Variants in LEF1 observed in about 807,000 individuals in gnomAD.
LEF1 encodes the protein lymphoid enhancer binding factor 1, also known as lymphoid enhancer-binding factor 1.
Under a neutral mutation model 51.2 loss-of-function variants are expected in LEF1, and 14 were observed. The ratio of observed to expected loss-of-function variants is 0.27; its 90% CI spans 0.18 to 0.43. The LOEUF is 0.43. Among genes scored for constraint, LEF1 ranks in the 20% least tolerant of loss-of-function variants. The probability of loss-of-function intolerance (pLI) is 1.00; values close to 1 mark genes in which losing one functional copy is unlikely to be tolerated. For synonymous variants in LEF1, 185 were observed against 183.2 expected (o/e 1.01, Z -0.08); for missense variants, 386 against 512.0 (o/e 0.75, Z 2.37).
chr4:108,064,676 CACACACACACACACACAAT>C (rs1353414236), intron 9 of LEF1, among the ~76,000 whole-genome samples: 1 of 61,744 alleles, frequency 1.6e-5, no homozygotes, highest in South Asian at 9.8e-4. Context: ...CACACACACA[CACACACACACACACACAAT>C]GATGTCTTAG....
At chr4:108,067,280 C>T (rs1415542545) in intron 9 of LEF1, among the ~76,000 whole-genome samples, 4 of 152,284 alleles carry the variant, frequency 2.6e-5, no homozygotes, top group African/African-American at 9.6e-5. Context: ...CTACTTTCTT[C>T]CCACCCATCA....
intron 3 of LEF1, among the ~76,000 whole-genome samples, chr4:108,158,948 C>T (rs1477945229): frequency 4.0e-5 from 6 of 151,356 alleles, no homozygotes; most frequent in East Asian, 1.9e-4. Flanking sequence ...AAGATTTTTG[C>T]GGATTGGCTC....
At chr4:108,146,658 G>A (rs1475787564) in intron 3 of LEF1, among the ~76,000 whole-genome samples, 1 of 152,190 alleles carries the variant, frequency 6.6e-6, no homozygotes, top group African/African-American at 2.4e-5. Flanking sequence ...TGGAGTATCT[G>A]CATTATATAC....
At chr4:108,142,396 C>T (rs550557106) in intron 3 of LEF1, among the ~76,000 whole-genome samples, 3 of 152,248 alleles carry the variant, frequency 2.0e-5, no homozygotes, top group East Asian at 1.9e-4. Context: ...GACAGGATCA[C>T]GTCTTGACAA....
intron 9 of LEF1, among the ~76,000 whole-genome samples, chr4:108,066,789 T>C (rs962012169): frequency 1.3e-5 from 2 of 152,212 alleles, no homozygotes; most frequent in African/African-American, 4.8e-5. Context: ...TGTATAATAT[T>C]GGAAAGCATT....
At chr4:108,108,946 T>C (rs985824629) in intron 3 of LEF1, among the ~76,000 whole-genome samples, 1 of 152,180 alleles carries the variant, frequency 6.6e-6, no homozygotes, top group African/African-American at 2.4e-5. Flanking sequence ...GAATACAGGA[T>C]TGGAACCAGA....
chr4:108,088,304 G>A (rs949195495), intron 4 of LEF1, among the ~76,000 whole-genome samples: 1 of 152,178 alleles, frequency 6.6e-6, no homozygotes, highest in Non-Finnish European at 1.5e-5. Flanking sequence ...ACCCCTTTAC[G>A]TTCTCTGCCT....
At chr4:108,126,034 T>A (rs538143859) in intron 3 of LEF1, among the ~76,000 whole-genome samples, 2 of 152,362 alleles carry the variant, frequency 1.3e-5, no homozygotes, top group South Asian at 2.1e-4. Flanking sequence ...GGAATTTTTT[T>A]ACTTTTGTTG....
intron 3 of LEF1, among the ~76,000 whole-genome samples, chr4:108,153,065 T>C (rs1453500613): frequency 6.6e-6 from 1 of 152,224 alleles, no homozygotes; most frequent in Non-Finnish European, 1.5e-5. Context: ...GCTTGGTCAC[T>C]AAAGTAGGAA....
Position 108,079,731 on chromosome 4 carries a change from G to A in LEF1, c.723-117C>T. On this transcript the variant is annotated intron_variant, in intron 6 of 11. Coordinates refer to ENST00000265165, the MANE Select transcript of LEF1 (RefSeq NM_016269.5). ...GCTAAGAGTAAAAACACATCTTTAC[G>A]CACAGAAGCATTAACTATAAATTAG... 7.5e-6 allele frequency: 7 copies of A among 938,598 alleles called. No homozygotes were observed. The Admixed American group carries it at 9.5e-5, about 13-fold the overall frequency. 58.1% of individuals were successfully genotyped at this position (938,598 alleles called of 1,614,324 possible).
chr4:108,103,657 A>C (rs1410292941), intron 3 of LEF1, among the ~76,000 whole-genome samples: 1 of 152,220 alleles, frequency 6.6e-6, no homozygotes, highest in Non-Finnish European at 1.5e-5. Flanking sequence ...TAATCATTTC[A>C]ATGTGTAAAT....
At chr4:108,095,307 C>T (rs1740308167) in intron 3 of LEF1, among the ~76,000 whole-genome samples, 1 of 152,184 alleles carries the variant, frequency 6.6e-6, no homozygotes, top group African/African-American at 2.4e-5. Flanking sequence ...CCAGTCATTA[C>T]AGTAGCGCTT....
intron 3 of LEF1, among the ~76,000 whole-genome samples, chr4:108,145,705 C>T (rs1050002354): frequency 6.6e-6 from 1 of 152,200 alleles, no homozygotes; most frequent in Non-Finnish European, 1.5e-5. Flanking sequence ...ATACATTACA[C>T]TCAGTGAAAG....
chr4:108,078,572 C>T, intron 7 of LEF1, 190 bp from the exon 8 acceptor site: 2 of 661,126 alleles, frequency 3.0e-6, no homozygotes, highest in South Asian at 3.6e-5. Context: ...AGGCAAACAA[C>T]CCATCCAATA....
intron 11 of LEF1, among the ~76,000 whole-genome samples, chr4:108,061,642 CA>C (rs11285438): frequency 0.75 from 108,133 of 144,010 alleles, 42,674 homozygotes; most frequent in East Asian, 0.96. Flanking sequence ...TTTTTTTTTT[CA>C]AAAAAAAAAA....
intron 3 of LEF1, among the ~76,000 whole-genome samples, chr4:108,157,711 G>C (rs946835192): frequency 3.9e-5 from 6 of 152,138 alleles, no homozygotes; most frequent in Non-Finnish European, 8.8e-5. Context: ...AATGGGGTTG[G>C]CAACAAAACT....
chr4:108,163,470 A>G, intron 3 of LEF1, 98 bp downstream of exon 3: 2 of 1,313,486 alleles, frequency 1.5e-6, no homozygotes, highest in Non-Finnish European at 2.1e-6. Context: ...ATATATAATG[A>G]AAGCATTACC....
intron 11 of LEF1, among the ~76,000 whole-genome samples, chr4:108,057,703 C>A (rs1038539080): frequency 6.6e-6 from 1 of 152,050 alleles, no homozygotes; most frequent in Non-Finnish European, 1.5e-5. Context: ...ACATCATCAT[C>A]AAAGAAAAGC....
At chr4:108,073,644 C>T (rs1159816796) in intron 8 of LEF1, among the ~76,000 whole-genome samples, 1 of 152,042 alleles carries the variant, frequency 6.6e-6, no homozygotes, top group Non-Finnish European at 1.5e-5. Flanking sequence ...CAAATTAACT[C>T]CCAAAATAGG....
Sources: gnomAD v4.1 joint callset for allele counts (sites outside exome capture counted in the v4.1 genomes callset) on GRCh38, gnomAD v4.1.1 for gene constraint, MANE v1.5 for transcripts, NCBI Gene and HGNC (gene_info 2026-07-23, HGNC 2026-07-21) for gene names.